SH3TC1: variants seen among roughly 807,000 people sequenced by gnomAD.
SH3TC1 encodes the protein SH3 domain and tetratricopeptide repeats 1, also known as SH3 domain and tetratricopeptide repeat-containing protein 1.
Under a neutral mutation model 117.3 loss-of-function variants are expected in SH3TC1, and 135 were observed. The observed-to-expected ratio is 1.15, with a 90% confidence interval of 1.00 to 1.33. SH3TC1 has a LOEUF of 1.33. SH3TC1 is among the 40% of genes most tolerant of loss of function. SH3TC1 has a pLI of 0.00. For synonymous variants in SH3TC1, 898 were observed against 816.9 expected, an observed-to-expected ratio of 1.10 and a Z score of -1.69; for missense variants, 2,092 against 1,794.3, an observed-to-expected ratio of 1.17 and a Z score of -3.00.
In SH3TC1 at chr4:8,237,502, CCACCGGCTGGCCGCCCTGCAA is replaced by C. The variant is rs779927474; in HGVS notation, c.3591_3611del (p.Ala1199_Leu1205del). The C allele has an allele frequency of 1.7e-5, 27 of 1,602,064 alleles. No homozygotes were observed. In the Admixed American group the frequency reaches 1.7e-4, roughly 10 times the overall value. On this transcript the variant is annotated inframe_deletion, in exon 17 of 18. Coordinates refer to ENST00000245105, the MANE Select transcript of SH3TC1 (RefSeq NM_018986.5). ...ACCGGCTGAACGAGCGCGTGGCCTA[CCACCGGCTGGCCGCCCTGCAA>C]CACCGACTGGGCCATGGCGAGCTGG...
In SH3TC1 at chr4:8,206,053, C is replaced by G; in HGVS notation, c.172+687C>G. ...CTGCCTATGTCCCTGTCTTGGGACT[C>G]CAGGGCTTGGCACATGGTAGGTGCT... is the stretch of plus-strand genomic sequence containing the variant. On this transcript the variant is annotated intron_variant, in intron 2 of 17. Transcript: ENST00000245105. The surrounding 1 kb of genome is among the most constrained non-coding windows in gnomAD (Gnocchi z 5.5). 1 of 235,756 alleles carries G rather than the reference C, an allele frequency of 4.2e-6. No homozygotes were observed. The highest frequency in any genetic ancestry group is 8.3e-6 in the Non-Finnish European group (1 of 120,634). The allele number at this position is 235,756 out of a possible 1,614,324, so 14.6% of individuals were successfully genotyped here. A position where few individuals can be genotyped will look rare whatever the true frequency, so the allele number is the denominator to read the frequency against.
At chr4:8,224,238 G>T (rs1365246620) in intron 10 of SH3TC1, among the ~76,000 whole-genome samples, 1 of 152,100 alleles carries the variant, frequency 6.6e-6, no homozygotes, top group Non-Finnish European at 1.5e-5. Flanking sequence ...CTTTTTTCCT[G>T]CTTGCTCGAT....
At position 8,241,101 on chromosome 4, in the gene SH3TC1, T is replaced by C. The variant is rs1396247264; in HGVS notation, c.*146T>C. 12 of 1,206,346 alleles carry C rather than the reference T, an allele frequency of 9.9e-6. No homozygotes were observed. The highest frequency in any genetic ancestry group is 1.4e-5 in the Non-Finnish European group (12 of 888,674). 74.7% of individuals were successfully genotyped at this position (1,206,346 alleles called of 1,614,324 possible). A position where few individuals can be genotyped will look rare whatever the true frequency, so the allele number is the denominator to read the frequency against. ...AATGGGTTTTGTTTTTTTTTTGCAA[T>C]AACTTATTGAAGTCAGCAGGGCATC... On this transcript the variant is annotated 3_prime_UTR_variant, in exon 18 of 18. Transcript: ENST00000245105.
rs965433178 is a variant in SH3TC1 at position 8,205,139 on chromosome 4, C to T, written c.-28-28C>T. On this transcript the variant is annotated intron_variant, in intron 1 of 17. Coordinates refer to ENST00000245105, the MANE Select transcript of SH3TC1 (RefSeq NM_018986.5). The surrounding 1 kb of genome is among the most constrained non-coding windows in gnomAD (Gnocchi z 5.4). ...CGTGCTGGTTCTGGAGGGGCCACCTCTCCTGACCACACCCCCTCTGTCCAC... is the reference window on the plus strand; with the variant it reads ...CGTGCTGGTTCTGGAGGGGCCACCTTTCCTGACCACACCCCCTCTGTCCAC... 16 of 1,451,358 alleles carry T rather than the reference C, an allele frequency of 1.1e-5. 1 individual carries two copies. The South Asian group carries it at 2.4e-4, about 22-fold the overall frequency. 89.9% of individuals were successfully genotyped at this position (1,451,358 alleles called of 1,614,324 possible).
At chr4:8,212,293 C>T (rs902990976) in intron 3 of SH3TC1, among the ~76,000 whole-genome samples, 13 of 150,916 alleles carry the variant, frequency 8.6e-5, no homozygotes, top group Non-Finnish European at 1.6e-4. Flanking sequence ...TTGCTAAGTG[C>T]GGCTGTCCAG....
At position 8,186,805 on chromosome 4, in the gene SH3TC1, G is replaced by T. The variant is rs889757809; in HGVS notation, c.-57+4595G>T. On this transcript the variant is annotated intron_variant, in intron 1 of 16. Transcript: ENST00000508641. The surrounding 1 kb of genome is among the most constrained non-coding windows in gnomAD (Gnocchi z 5.2). ...CTAAAAATACAAAAATTAGCTGGGC[G>T]TGGTGGCGGGCACCTGTAATCCCAG... Among the ~76,000 whole-genome samples, 1 of 151,964 alleles carries T rather than the reference G, an allele frequency of 6.6e-6. No homozygotes were observed.
intron 4 of SH3TC1, 44 bp from the exon 5 acceptor site, chr4:8,214,431 A>T (rs747787459): frequency 6.3e-7 from 1 of 1,578,370 alleles, no homozygotes; most frequent in Non-Finnish European, 8.7e-7. Context: ...CAGATGCCCC[A>T]GAGCTCCTGG....
Position 8,237,635 on chromosome 4 carries a change from C to G in SH3TC1, c.3718C>G (p.Leu1240Val). 1 of 1,610,432 alleles carries G rather than the reference C, an allele frequency of 6.2e-7. No homozygotes were observed. The highest frequency in any genetic ancestry group is 8.5e-7 in the Non-Finnish European group (1 of 1,178,462). The stretch of plus-strand genomic sequence containing the variant: ...GACCCTCTACTACGTGAAGGTGTAC[C>G]TGGTGCTCGGTGACATCATCTTCTA... ...EETLYYVKVYLVLGDIIFYDL... is the reference protein window; with the variant it reads ...EETLYYVKVYVVLGDIIFYDL... The change falls in exon 17 of 18, where the codon CTG becomes GTG. Residue 1240 changes from leucine to valine, a missense_variant. By Grantham distance (32) the Leu-to-Val change is conservative. Transcript: ENST00000245105.
intron 1 of SH3TC1, among the ~76,000 whole-genome samples, chr4:8,185,443 G>A (rs565611484): frequency 1.3e-5 from 2 of 152,128 alleles, no homozygotes; most frequent in East Asian, 3.9e-4. Flanking sequence ...ATCCAGAATA[G>A]TTTCAGCACC....
chr4:8,220,448 C>G (rs1359963326), intron 9 of SH3TC1, among the ~76,000 whole-genome samples: 1 of 152,216 alleles, frequency 6.6e-6, no homozygotes, highest in Non-Finnish European at 1.5e-5. Context: ...CACCCATGAC[C>G]TGCCTGCTCC....
At chr4:8,230,729 C>G (rs969858027) in intron 12 of SH3TC1, among the ~76,000 whole-genome samples, 1 of 149,982 alleles carries the variant, frequency 6.7e-6, no homozygotes, top group African/African-American at 2.4e-5. Flanking sequence ...TAGAGTTACA[C>G]ATTTCCCTTT....
rs1719507853 is a variant in SH3TC1, at chr4:8,218,282, G to C, written c.851G>C (p.Arg284Thr). Residue 284 changes from arginine to threonine, a missense_variant, in exon 8 of 18, where the codon AGG (arginine) becomes ACG (threonine). Arg to Thr is a moderately conservative substitution (Grantham distance 71). Transcript: ENST00000245105. ...PLIPFHQWAL[R>T]IPQDPIDDAM... ...TCTTCCGGCTCCAGGTGGGCTCTTA[G>C]GATCCCCCAGGACCCCATCGACGAT... is the stretch of plus-strand genomic sequence containing the variant. 4 of 1,610,750 alleles carry C rather than the reference G, an allele frequency of 2.5e-6. No homozygotes were observed. In the South Asian group the frequency reaches 3.3e-5, roughly 13 times the overall value.
intron 15 of SH3TC1, chr4:8,236,035 C>T: frequency 1.9e-6 from 1 of 529,578 alleles, no homozygotes; most frequent in Middle Eastern, 5.0e-4. Context: ...CCCAGTCAGA[C>T]CCCTGGTGCC....
intron 14 of SH3TC1, among the ~76,000 whole-genome samples, chr4:8,234,287 C>T (rs1721592027): frequency 6.6e-6 from 1 of 151,944 alleles, no homozygotes; most frequent in South Asian, 2.1e-4. Context: ...ATCCATCCAT[C>T]ATTCATCCAT....
rs561195191 is a variant in SH3TC1, at chr4:8,191,898, C to T, written c.-57+9688C>T. On this transcript the variant is annotated intron_variant, in intron 1 of 16. Transcript: ENST00000508641. ...CGGGAAAGATGACGGGGCTGCTCAG[C>T]GTGGAGCTGGGGTCCGGCCGGGCTG... Among the ~76,000 whole-genome samples the T allele has an allele frequency of 1.6e-3, 241 of 152,186 alleles. 2 individuals carry two copies. Among genetic ancestry groups the T allele is most frequent in the African/African-American group, 5.3e-3 (220 of 41,510 alleles).
chr4:8,212,626 C>T (rs1374877232), intron 3 of SH3TC1, 75 bp from the exon 4 acceptor site: 5 of 1,593,858 alleles, frequency 3.1e-6, no homozygotes, highest in East Asian at 2.2e-5. Context: ...TGGAGGCTGG[C>T]AGGTGGAGTA....
At chr4:8,202,698 G>A (rs1717918655) in intron 1 of SH3TC1, among the ~76,000 whole-genome samples, 1 of 152,162 alleles carries the variant, frequency 6.6e-6, no homozygotes. Context: ...GGGCTGATCC[G>A]GCTGAGGCCC....
rs1343837971 is a variant in SH3TC1 at position 8,235,582 on chromosome 4, G to A, written c.3405+27G>A. ...TGAGCTGGCCTGTGGGCTGATGTGG[G>A]TGGGCCCCAGGGGGGGCACCTTGAG... On this transcript the variant is annotated intron_variant, in intron 15 of 17. Coordinates refer to ENST00000245105, the MANE Select transcript of SH3TC1 (RefSeq NM_018986.5). The A allele has an allele frequency of 1.9e-6, 3 of 1,559,708 alleles. 1 individual carries two copies. The highest frequency in any genetic ancestry group is 2.7e-5 in the African/African-American group (2 of 73,048).
intron 1 of SH3TC1, among the ~76,000 whole-genome samples, chr4:8,188,302 GC>G (rs1717292008): frequency 6.6e-6 from 1 of 152,202 alleles, no homozygotes; most frequent in Non-Finnish European, 1.5e-5. Flanking sequence ...AGGGCAGTAG[GC>G]ATCTGACTCA....
Sources: allele counts gnomAD v4.1 joint callset (sites outside exome capture counted in the v4.1 genomes callset), GRCh38; gene constraint gnomAD v4.1.1; non-coding constraint Gnocchi (gnomAD v3.1); transcripts MANE v1.5; gene names NCBI Gene and HGNC (gene_info 2026-07-23, HGNC 2026-07-21).